Variants in GRIN2B observed in about 807,000 individuals in gnomAD.
GRIN2B encodes glutamate ionotropic receptor NMDA type subunit 2B.
In GRIN2B, 5 loss-of-function variants were observed where a neutral mutation model predicts 114.5. The ratio of observed to expected loss-of-function variants is 0.04; its 90% CI spans 0.02 to 0.09. The LOEUF (loss-of-function observed/expected upper bound fraction) is 0.09. GRIN2B is among the 10% of genes least tolerant of loss of function. The pLI, the probability that GRIN2B is intolerant of heterozygous loss-of-function variation, is 1.00. For synonymous variants in GRIN2B, 787 were observed against 745.1 expected (o/e 1.06, Z -0.92); for missense variants, 1,108 against 1,943.5 (o/e 0.57, Z 8.08).
chr12:13,943,535 G>A (rs573831547), intron 2 of GRIN2B, among the ~76,000 whole-genome samples: 46 of 152,176 alleles, frequency 3.0e-4, no homozygotes, highest in Middle Eastern at 6.8e-3. Flanking sequence ...GACTACCTCC[G>A]TGATCTCATC....
At chr12:13,830,127 C>CTTTAA (rs1202843983) in intron 3 of GRIN2B, among the ~76,000 whole-genome samples, 5 of 152,104 alleles carry the variant, frequency 3.3e-5, no homozygotes, top group African/African-American at 1.2e-4. Context: ...TTGACAAAAG[C>CTTTAA]AGGGGACTTT....
intron 6 of GRIN2B, 81 bp downstream of exon 6, chr12:13,616,374 G>T (rs1805533): frequency 3.0e-6 from 3 of 990,570 alleles, no homozygotes; most frequent in South Asian, 2.6e-5. Flanking sequence ...CATGCCTCAG[G>T]TCTCAGGCCA....
chr12:13,581,035 T>C (rs1948840768), intron 10 of GRIN2B, among the ~76,000 whole-genome samples: 1 of 152,242 alleles, frequency 6.6e-6, no homozygotes, highest in South Asian at 2.1e-4. Flanking sequence ...TATTCCATTA[T>C]GTGAATGCAC....
chr12:13,628,217 G>C (rs568869072), intron 5 of GRIN2B, among the ~76,000 whole-genome samples: 2 of 152,314 alleles, frequency 1.3e-5, no homozygotes, highest in Non-Finnish European at 2.9e-5. Flanking sequence ...CATAGCATTA[G>C]ATGGTCTAGG....
At chr12:13,745,273 C>T (rs1480441148) in intron 4 of GRIN2B, among the ~76,000 whole-genome samples, 2 of 152,154 alleles carry the variant, frequency 1.3e-5, no homozygotes, top group Non-Finnish European at 1.5e-5. Context: ...ATCCTTACCC[C>T]CACCCAGGCA....
chr12:13,554,537 GAC>G lies in GRIN2B; in HGVS notation c.*8244_*8245del, dbSNP rs1461035595. ...GTTATTCAGCTTGTCTGGATTATGG[GAC>G]ACACACATAGTCAAGTAACAAGAAA... is the stretch of plus-strand genomic sequence containing the variant. On this transcript the variant is annotated 3_prime_UTR_variant, in exon 14 of 14. Transcript: ENST00000609686. The G allele has an allele frequency of 6.6e-6, 1 of 152,108 alleles. No individual in the cohort carries two copies. The highest frequency in any genetic ancestry group is 1.5e-5 in the Non-Finnish European group (1 of 68,008). 9.4% of individuals were successfully genotyped at this position (152,108 alleles called of 1,614,324 possible).
chr12:13,692,929 C>A (rs964957632), intron 4 of GRIN2B, among the ~76,000 whole-genome samples: 1 of 151,362 alleles, frequency 6.6e-6, no homozygotes, highest in African/African-American at 2.4e-5. Context: ...CCACCACACC[C>A]GGCTAATTTT....
At chr12:13,860,189 G>T (rs1322847647) in intron 3 of GRIN2B, among the ~76,000 whole-genome samples, 2 of 152,160 alleles carry the variant, frequency 1.3e-5, no homozygotes, top group Non-Finnish European at 2.9e-5. Context: ...GTAGAGGATA[G>T]GGGAAGAGGG....
intron 4 of GRIN2B, among the ~76,000 whole-genome samples, chr12:13,742,484 A>ATGTTG (rs1332025823): frequency 6.6e-6 from 1 of 152,136 alleles, no homozygotes; most frequent in Non-Finnish European, 1.5e-5. Context: ...AGGCTGGAGT[A>ATGTTG]CAGTGGCATG....
chr12:13,963,846 G>T (rs79667309), intron 2 of GRIN2B, among the ~76,000 whole-genome samples: 2,752 of 152,294 alleles, frequency 0.018, 97 homozygotes, highest in African/African-American at 0.062. Flanking sequence ...TCCTGAGGGT[G>T]CCAGGACTCA....
intron 3 of GRIN2B, among the ~76,000 whole-genome samples, chr12:13,779,045 CTTTAT>C (rs971124139): frequency 1.4e-4 from 21 of 152,180 alleles, no homozygotes; most frequent in African/African-American, 3.1e-4. Context: ...CATTGTTCCT[CTTTAT>C]TTTATTTTAT....
chr12:13,556,659 C>T lies in GRIN2B; in HGVS notation c.*6124G>A, dbSNP rs1366719191. 6.6e-6 allele frequency: 1 copy of T among 152,158 alleles called. No homozygotes were observed. The highest frequency in any genetic ancestry group is 1.5e-5 in the Non-Finnish European group (1 of 68,028). 9.4% of individuals were successfully genotyped at this position (152,158 alleles called of 1,614,324 possible). A position where few individuals can be genotyped will look rare whatever the true frequency, so the allele number is the denominator to read the frequency against. On this transcript the variant is annotated 3_prime_UTR_variant, in exon 14 of 14. Coordinates refer to ENST00000609686, the MANE Select transcript of GRIN2B (RefSeq NM_000834.5). ...TGTGCTTTTTAATTGTACCTTAATT[C>T]TTGCACTGAGTTCTTTCACCTTCTC...
intron 10 of GRIN2B, among the ~76,000 whole-genome samples, chr12:13,605,822 A>G (rs766230123): frequency 6.6e-6 from 1 of 152,182 alleles, no homozygotes; most frequent in South Asian, 2.1e-4. Context: ...TAAGTGCAGT[A>G]TGCCAAGTAA....
At chr12:13,588,508 G>T (rs1283215476) in intron 10 of GRIN2B, among the ~76,000 whole-genome samples, 2 of 152,210 alleles carry the variant, frequency 1.3e-5, no homozygotes, top group Non-Finnish European at 2.9e-5. Context: ...CATCAAAACA[G>T]TAAGTCTGGC....
At chr12:13,741,927 T>G (rs1226658726) in intron 4 of GRIN2B, among the ~76,000 whole-genome samples, 1 of 152,186 alleles carries the variant, frequency 6.6e-6, no homozygotes, top group Non-Finnish European at 1.5e-5. Flanking sequence ...TATAAAGCCC[T>G]TGGCACATAG....
chr12:13,827,229 CT>C lies in GRIN2B; in HGVS notation c.411+38568del, dbSNP rs57007962. Among the ~76,000 whole-genome samples, 331 of 98,634 alleles carry C rather than the reference CT, an allele frequency of 3.4e-3. 1 individual carries two copies. Among genetic ancestry groups the C allele is most frequent in the African/African-American group, 4.8e-3 (116 of 24,236 alleles). 64.7% of individuals were successfully genotyped at this position (98,634 alleles called of 152,430 possible). The stretch of plus-strand genomic sequence containing the variant: ...TTATAATGTGCCTTATTGTTGTTTT[CT>C]TTTTTTTTTTTTTTTGAGTTTGGGA... On this transcript the variant is annotated intron_variant, in intron 3 of 13. Coordinates refer to ENST00000609686, the MANE Select transcript of GRIN2B (RefSeq NM_000834.5).
chr12:13,569,813 C>G lies in GRIN2B; in HGVS notation c.2359+17G>C, dbSNP rs910824626. The G allele has an allele frequency of 6.5e-7, 1 of 1,544,480 alleles. No individual in the cohort carries two copies. Among genetic ancestry groups the G allele is most frequent in the South Asian group, 1.2e-5 (1 of 84,522 alleles). On this transcript the variant is annotated intron_variant, in intron 12 of 13. Coordinates refer to ENST00000609686, the MANE Select transcript of GRIN2B (RefSeq NM_000834.5). ...TCAGTAGAGGACAAATGGGCACTTT[C>G]CCTTTCTTGAACTCACCATCTCCAA...
chr12:13,949,357 C>G (rs1867432435), intron 2 of GRIN2B, among the ~76,000 whole-genome samples: 1 of 152,148 alleles, frequency 6.6e-6, no homozygotes, highest in African/African-American at 2.4e-5. Flanking sequence ...CCACATCCTC[C>G]AGACCCTCTG....
chr12:13,603,338 T>C (rs745840742), intron 10 of GRIN2B, among the ~76,000 whole-genome samples: 2 of 152,064 alleles, frequency 1.3e-5, no homozygotes, highest in African/African-American at 4.8e-5. Flanking sequence ...ATAAGGTAGA[T>C]AGGAATGTAG....
Sources: allele counts gnomAD v4.1 joint callset (sites outside exome capture counted in the v4.1 genomes callset), GRCh38; gene constraint gnomAD v4.1.1; transcripts MANE v1.5; gene names NCBI Gene and HGNC (gene_info 2026-07-23, HGNC 2026-07-21).